Variants in CHD7 observed in about 807,000 individuals in gnomAD.
CHD7 encodes the protein chromodomain helicase DNA binding protein 7, also known as ATP-dependent chromatin remodeler CHD7.
A neutral mutation model predicts 307.3 loss-of-function variants in CHD7; 24 were observed. The ratio of observed to expected loss-of-function variants is 0.08; its 90% confidence interval spans 0.06 to 0.11. The LOEUF is 0.11. Ranked by LOEUF, CHD7 falls within the 10% of genes least tolerant of loss-of-function variation. The probability of loss-of-function intolerance (pLI) is 1.00; values close to 1 mark genes in which losing one functional copy is unlikely to be tolerated. For synonymous variants in CHD7, 1,363 were observed against 1,349.9 expected (o/e 1.01, Z -0.21); for missense variants, 3,106 against 3,727.1 (o/e 0.83, Z 4.34).
At chr8:60,779,843 G>GT (rs1230400384) in intron 2 of CHD7, among the ~76,000 whole-genome samples, 1 of 152,132 alleles carries the variant, frequency 6.6e-6, no homozygotes, top group Non-Finnish European at 1.5e-5. Context: ...CCTCGGACAA[G>GT]TTACTTCATC....
Position 60,865,371 on chromosome 8 carries a change from G to A in CHD7, c.8432G>A (p.Gly2811Asp). 6.2e-7 allele frequency: 1 copy of A among 1,612,206 alleles called. No individual in the cohort carries two copies. Among genetic ancestry groups the A allele is most frequent in the Non-Finnish European group, 8.5e-7 (1 of 1,179,310 alleles). Residue 2811 changes from glycine (G) to aspartate (D), a missense_variant, in exon 38 of 38, where the codon GGC (glycine) becomes GAC (aspartate). Coordinates refer to ENST00000423902, the MANE Select transcript of CHD7 (RefSeq NM_017780.4). The surrounding 1 kb of genome is among the most constrained non-coding windows in gnomAD (Gnocchi z 4.3). ...ATGGCGGGCCTGCCCAACGTGTTTG[G>A]CTTGGGCGGGCTGTTGAATAACCCT... ...PGMAGLPNVFGLGGLLNNPLS... is the reference protein window; with the variant it reads ...PGMAGLPNVFDLGGLLNNPLS...
chr8:60,760,364 A>C (rs1810119043), intron 2 of CHD7, among the ~76,000 whole-genome samples: 1 of 149,954 alleles, frequency 6.7e-6, no homozygotes, highest in South Asian at 2.1e-4. Flanking sequence ...AAAGACTTAA[A>C]CGTTAGACCT....
intron 25 of CHD7, 146 bp downstream of exon 25, chr8:60,849,300 A>G: frequency 1.9e-6 from 1 of 523,384 alleles, no homozygotes; most frequent in East Asian, 3.1e-5. Context: ...TGTACTAAAA[A>G]TCTAATATGA....
Position 60,781,137 on chromosome 8 carries a change from G to T in CHD7, c.1803G>T (p.Lys601Asn), listed in dbSNP as rs1811203497. 1.2e-6 allele frequency: 2 copies of T among 1,609,812 alleles called. No individual in the cohort carries two copies. Among genetic ancestry groups the T allele is most frequent in the Non-Finnish European group, 1.7e-6 (2 of 1,178,020 alleles). ...EQQPQQKKKK[K>N]KNNHIVAEDP... ...AGCCACAACAAAAGAAGAAGAAAAAGAAAAACAACCACATTGTAGCAGAGG... is the reference window on the plus strand; with the variant it reads ...AGCCACAACAAAAGAAGAAGAAAAATAAAAACAACCACATTGTAGCAGAGG... The change falls in exon 3 of 38, where the codon AAG (lysine) becomes AAT (asparagine). Residue 601 changes from lysine (K) to asparagine (N), a missense_variant. By Grantham distance (94) the Lys-to-Asn change is moderately conservative. Coordinates refer to ENST00000423902, the MANE Select transcript of CHD7 (RefSeq NM_017780.4).
rs1464832497 is a variant in CHD7 at position 60,852,880 on chromosome 8, C to T, written c.6155C>T (p.Ser2052Phe). 6.2e-7 allele frequency: 1 copy of T among 1,614,034 alleles called. No individual in the cohort carries two copies. The highest frequency in any genetic ancestry group is 8.5e-7 in the Non-Finnish European group (1 of 1,179,902). Residue 2052 changes from serine (S) to phenylalanine (F), a missense_variant, in exon 31 of 38, where the codon TCT (serine) becomes TTT (phenylalanine). Ser to Phe is a radical substitution (Grantham distance 155). This residue lies in a region of CHD7 where 1,030 missense variants were observed against 1,165.4 expected (regional missense o/e 0.88). Coordinates refer to ENST00000423902, the MANE Select transcript of CHD7 (RefSeq NM_017780.4). The part of the protein sequence containing the change: ...IIEPITEERA[S>F]RTLYRIELLR... ...GAGCCGATCACAGAGGAGCGAGCCT[C>T]TCGAACTCTGTACCGCATTGAGCTG... is the stretch of plus-strand genomic sequence containing the variant.
chr8:60,753,859 G>C (rs938677689), intron 2 of CHD7, among the ~76,000 whole-genome samples: 2 of 151,548 alleles, frequency 1.3e-5, no homozygotes, highest in South Asian at 4.2e-4. Flanking sequence ...TCCTTTCCTC[G>C]GGTGATCCAC....
chr8:60,730,420 T>C (rs1808384958), intron 1 of CHD7, among the ~76,000 whole-genome samples: 2 of 152,222 alleles, frequency 1.3e-5, no homozygotes. Flanking sequence ...ATTTATAGTT[T>C]TGATTATGGT....
At position 60,853,001 on chromosome 8, in the gene CHD7, G is replaced by A. The variant is rs2068096; in HGVS notation, c.6276G>A (p.Glu2092=). Residue 2092 remains glutamate, a synonymous_variant, in exon 31 of 38, where the codon GAG becomes GAA. Transcript: ENST00000423902. ...GCTTGGATCTGCCAGAGTGGTGGGA[G>A]TGTGGACGGCATGACCGAGACTTGC... ...QPSLDLPEWW[E]CGRHDRDLLV... The A allele has an allele frequency of 0.053, 86,186 of 1,613,912 alleles. 5,201 individuals are homozygous for A. The highest frequency in any genetic ancestry group is 0.31 in the African/African-American group (23,223 of 74,978).
intron 6 of CHD7, among the ~76,000 whole-genome samples, chr8:60,802,843 C>G (rs766425085): frequency 6.6e-6 from 1 of 152,138 alleles, no homozygotes; most frequent in Non-Finnish European, 1.5e-5. Flanking sequence ...GTAAACTTCT[C>G]TTTACTTTCA....
At chr8:60,680,293 C>T (rs1261805135) in intron 1 of CHD7, among the ~76,000 whole-genome samples, 1 of 148,618 alleles carries the variant, frequency 6.7e-6, no homozygotes, top group Non-Finnish European at 1.5e-5. Flanking sequence ...GTTTGGTTCG[C>T]ACCGGGGATT....
chr8:60,749,028 C>A (rs1809486821), intron 2 of CHD7, among the ~76,000 whole-genome samples: 1 of 149,284 alleles, frequency 6.7e-6, no homozygotes, highest in South Asian at 2.1e-4. Context: ...ATTGGTAAAT[C>A]TCAAGTAGCA....
intron 1 of CHD7, among the ~76,000 whole-genome samples, chr8:60,680,521 C>G (rs1805566924): frequency 6.6e-6 from 1 of 151,978 alleles, no homozygotes; most frequent in Non-Finnish European, 1.5e-5. Flanking sequence ...CCGCCTTTCT[C>G]CGGATGGCTC....
chr8:60,805,072 T>C (rs188969335), intron 6 of CHD7, among the ~76,000 whole-genome samples: 28 of 152,352 alleles, frequency 1.8e-4, no homozygotes, highest in African/African-American at 6.5e-4. Flanking sequence ...TAGTTATTCA[T>C]TGCCTATGCC....
At chr8:60,702,661 A>C (rs990181511) in intron 1 of CHD7, among the ~76,000 whole-genome samples, 1 of 152,344 alleles carries the variant, frequency 6.6e-6, no homozygotes, top group South Asian at 2.1e-4. Flanking sequence ...AAAAGTGACA[A>C]AGAATTTGCA....
chr8:60,700,816 A>G (rs1413526356), intron 1 of CHD7, among the ~76,000 whole-genome samples: 1 of 152,232 alleles, frequency 6.6e-6, no homozygotes, highest in Non-Finnish European at 1.5e-5. Flanking sequence ...AAGAGGGCCC[A>G]GTGCCGGACA....
chr8:60,780,982 C>T lies in CHD7; in HGVS notation c.1666-18C>T, dbSNP rs1192503560. The T allele has an allele frequency of 3.3e-6, 5 of 1,509,660 alleles. No individual in the cohort carries two copies. Among genetic ancestry groups the T allele is most frequent in the Non-Finnish European group, 4.4e-6 (5 of 1,133,818 alleles). The allele number at this position is 1,509,660 out of a possible 1,614,324, so 93.5% of individuals were successfully genotyped here. ...GAAGAATGATAAACTAATTTCAATT[C>T]CTATTTGTGTCTCTCAGCATTCCCC... is the stretch of plus-strand genomic sequence containing the variant. On this transcript the variant is annotated intron_variant, in intron 2 of 37. Transcript: ENST00000423902.
intron 1 of CHD7, among the ~76,000 whole-genome samples, chr8:60,680,602 C>T (rs1805572382): frequency 6.6e-6 from 1 of 152,144 alleles, no homozygotes; most frequent in Non-Finnish European, 1.5e-5. Context: ...TGTGAGCGCC[C>T]CCGTGAAGCG....
chr8:60,781,936 A>T lies in CHD7; in HGVS notation c.2096+506A>T, dbSNP rs1202457824. On this transcript the variant is annotated intron_variant, in intron 3 of 37. Transcript: ENST00000423902. ...TAGTGAGCAGCGCAAGAGAAATCAA[A>T]TAGTACTTGTCCATTGGATATGCAT... Among the ~76,000 whole-genome samples the T allele has an allele frequency of 3.3e-5, 5 of 152,224 alleles. No individual in the cohort carries two copies. In the East Asian group the frequency reaches 9.6e-4, roughly 29 times the overall value.
In CHD7 at chr8:60,844,910, C is replaced by G. The variant is rs1332300386; in HGVS notation, c.4897C>G (p.Gln1633Glu). The stretch of plus-strand genomic sequence containing the variant: ...TCTTTCCCACGGACGCTATAAACGC[C>G]AACTCACTGAGCAAGATGTAGAAAC... ...DILSHGRYKR[Q>E]LTEQDVETIC... Residue 1633 changes from glutamine (Q) to glutamate (E), a missense_variant, in exon 22 of 38, where the codon CAA becomes GAA. This residue lies in a region of CHD7 where 122 missense variants were observed against 124.5 expected (regional missense o/e 0.98). Transcript: ENST00000423902. 2 of 1,612,586 alleles carry G rather than the reference C, an allele frequency of 1.2e-6. No individual in the cohort carries two copies. Among genetic ancestry groups the G allele is most frequent in the Non-Finnish European group, 1.7e-6 (2 of 1,178,894 alleles).
Sources: gnomAD v4.1 joint callset for allele counts (sites outside exome capture counted in the v4.1 genomes callset) on GRCh38, gnomAD v4.1.1 for gene constraint, gnomAD v4.1.1 regional missense constraint, Gnocchi (gnomAD v3.1) non-coding constraint, MANE v1.5 for transcripts, NCBI Gene and HGNC (gene_info 2026-07-23, HGNC 2026-07-21) for gene names.